Variants in TSHZ3 observed in about 807,000 individuals in gnomAD.
The protein encoded by TSHZ3 is teashirt homolog 3.
Under a neutral mutation model 64.5 loss-of-function variants are expected in TSHZ3, and 10 were observed. The ratio of observed to expected loss-of-function variants is 0.16; its 90% confidence interval spans 0.10 to 0.26. The LOEUF is 0.26. Ranked by LOEUF, TSHZ3 falls within the 10% of genes least tolerant of loss-of-function variation. The pLI is 1.00. For missense variants in TSHZ3, 1,242 were observed against 1,421.7 expected, an observed-to-expected ratio of 0.87 and a Z score of 2.03; for synonymous variants, 608 against 593.1, an observed-to-expected ratio of 1.03 and a Z score of -0.36.
At chr19:31,156,275 G>C (rs1974304886) in intron 6 of TSHZ3, among the ~76,000 whole-genome samples, 1 of 152,190 alleles carries the variant, frequency 6.6e-6, no homozygotes, top group Admixed American at 6.5e-5. Flanking sequence ...AATAAATATT[G>C]TTAACTGAAA....
rs750596759 is a variant in TSHZ3, at chr19:31,277,750, C to T, written c.2043G>A (p.Gly681=). ...TCTCCACCGGCTCAGCGAGGGGGCT[C>T]CCATCCTTGCACCCATCCCGCGGGG... ...PSPPRDGCKD[G]SPLAEPVENG... The change falls in exon 2 of 2, where the codon GGG becomes GGA. Residue 681 remains glycine (G), a synonymous_variant. Coordinates refer to ENST00000240587, the MANE Select transcript of TSHZ3 (RefSeq NM_020856.4). This position sits in a 1 kb window ranked among gnomAD's most constrained non-coding sequence, Gnocchi z 4.5. 70 of 1,523,200 alleles carry T rather than the reference C, an allele frequency of 4.6e-5. No individual in the cohort carries two copies. The highest frequency in any genetic ancestry group is 6.0e-5 in the Non-Finnish European group (68 of 1,138,012). The allele number at this position is 1,523,200 out of a possible 1,614,324, so 94.4% of individuals were successfully genotyped here.
intron 1 of TSHZ3, among the ~76,000 whole-genome samples, chr19:31,253,879 C>A (rs1484781421): frequency 6.6e-6 from 1 of 152,164 alleles, no homozygotes; most frequent in East Asian, 1.9e-4. Context: ...GTGGCAATTT[C>A]TCAGCAAAGA....
chr19:31,278,510 G>A lies in TSHZ3; in HGVS notation c.1283C>T (p.Thr428Met), dbSNP rs375215031. The A allele has an allele frequency of 2.5e-5, 41 of 1,614,124 alleles. No individual in the cohort carries two copies. The highest frequency in any genetic ancestry group is 1.5e-4 in the South Asian group (14 of 91,070). The change falls in exon 2 of 2, where the codon ACG becomes ATG. Residue 428 changes from threonine (T) to methionine (M), a missense_variant. Transcript: ENST00000240587. This position sits in a 1 kb window ranked among gnomAD's most constrained non-coding sequence, Gnocchi z 4.7. ...GGTTGTGATGGTAGGTGTGACAGGCGTCTCCACAATGGGCTTCCCCTTTTT... is the reference window on the plus strand; with the variant it reads ...GGTTGTGATGGTAGGTGTGACAGGCATCTCCACAATGGGCTTCCCCTTTTT... ...AMKKGKPIVE[T>M]PVTPTITTLL...
At chr19:31,274,133 GTGT>G (rs1303203938), downstream of TSHZ3, among the ~76,000 whole-genome samples, 1 of 151,472 alleles carries the variant, frequency 6.6e-6, no homozygotes, top group Non-Finnish European at 1.5e-5. Context: ...AATAAAATAT[GTGT>G]TTTTTTTTTT....
At chr19:31,222,350 C>A (rs747291498) in intron 4 of TSHZ3, among the ~76,000 whole-genome samples, 1 of 152,104 alleles carries the variant, frequency 6.6e-6, no homozygotes, top group Non-Finnish European at 1.5e-5. Context: ...ACGCATGTGA[C>A]CAGATGTTAT....
At chr19:31,246,125 T>C (rs1015688008) in intron 1 of TSHZ3, among the ~76,000 whole-genome samples, 1 of 152,016 alleles carries the variant, frequency 6.6e-6, no homozygotes, top group Non-Finnish European at 1.5e-5. Flanking sequence ...CAAGAGTTTG[T>C]TTTTTTTAAA....
intron 1 of TSHZ3, among the ~76,000 whole-genome samples, chr19:31,309,472 C>T (rs1255697391): frequency 6.6e-6 from 1 of 152,118 alleles, no homozygotes; most frequent in Non-Finnish European, 1.5e-5. Context: ...GAGACATCAG[C>T]ATTGAGGCTC....
At chr19:31,207,866 G>A (rs138651842) in intron 4 of TSHZ3, among the ~76,000 whole-genome samples, 2 of 152,304 alleles carry the variant, frequency 1.3e-5, no homozygotes, top group Non-Finnish European at 1.5e-5. Context: ...ATTAATGTGT[G>A]TATAAAGCAC....
At chr19:31,222,024 C>T (rs1975400113) in intron 4 of TSHZ3, among the ~76,000 whole-genome samples, 2 of 152,116 alleles carry the variant, frequency 1.3e-5, no homozygotes, top group Admixed American at 6.6e-5. Flanking sequence ...TGACAGTGTA[C>T]GTGGTTGAGT....
At chr19:31,288,107 C>T (rs912304209) in intron 1 of TSHZ3, among the ~76,000 whole-genome samples, 1 of 151,862 alleles carries the variant, frequency 6.6e-6, no homozygotes, top group African/African-American at 2.4e-5. Flanking sequence ...GATAAGAGTG[C>T]TTTATTGTTT....
In TSHZ3 at chr19:31,277,728, C is replaced by G. The variant is rs572077696; in HGVS notation, c.2065G>C (p.Glu689Gln). 9 of 1,522,276 alleles carry G rather than the reference C, an allele frequency of 5.9e-6. No homozygotes were observed. Among genetic ancestry groups the G allele is most frequent in the Non-Finnish European group, 7.9e-6 (9 of 1,137,316 alleles). The allele number at this position is 1,522,276 out of a possible 1,614,324, so 94.3% of individuals were successfully genotyped here. Residue 689 changes from glutamate to glutamine, a missense_variant, in exon 2 of 2, where the codon GAG becomes CAG. Transcript: ENST00000240587. The surrounding 1 kb of genome is among the most constrained non-coding windows in gnomAD (Gnocchi z 4.5). The stretch of plus-strand genomic sequence containing the variant: ...GGCTTCACCAGCTCCTTGCCATTCT[C>G]CACCGGCTCAGCGAGGGGGCTCCCA... ...KDGSPLAEPV[E>Q]NGKELVKPLA...
At chr19:31,202,837 T>C (rs1975107564) in intron 5 of TSHZ3, among the ~76,000 whole-genome samples, 1 of 152,184 alleles carries the variant, frequency 6.6e-6, no homozygotes, top group Non-Finnish European at 1.5e-5. Context: ...GTGTTGGAGA[T>C]TGACATTCAG....
intron 5 of TSHZ3, among the ~76,000 whole-genome samples, chr19:31,193,958 G>C (rs778553809): frequency 2.0e-5 from 3 of 152,172 alleles, no homozygotes; most frequent in Non-Finnish European, 2.9e-5. Flanking sequence ...CATGTAAAAA[G>C]CTGAACAAAC....
intron 1 of TSHZ3, among the ~76,000 whole-genome samples, chr19:31,267,282 ATTGTGCAGGGTCCAGGAGACTGACCT>A (rs1303997279): frequency 6.6e-6 from 1 of 152,060 alleles, no homozygotes; most frequent in African/African-American, 2.4e-5. Flanking sequence ...TTGCCTGAGA[ATTGTGCAGGGTCCAGGAGACTGACCT>A]GGGCCCTCAC....
chr19:31,235,590 TTTC>T (rs908969630), intron 3 of TSHZ3, among the ~76,000 whole-genome samples: 36 of 151,522 alleles, frequency 2.4e-4, no homozygotes, highest in African/African-American at 2.7e-4. Context: ...CTCTTTTTTC[TTTC>T]TTTTTTCTTT....
At position 31,327,766 on chromosome 19, in the gene TSHZ3, A is replaced by C. The variant is rs558982960; in HGVS notation, c.40+21414T>G. Among the ~76,000 whole-genome samples the C allele has an allele frequency of 5.4e-4, 83 of 152,360 alleles. No homozygotes were observed. The South Asian group carries it at 0.014, about 26-fold the overall frequency. ...TTGTATCTTACCACATATTGAAATA[A>C]AACACCCTGCACAGCCCCTAAACCT... On this transcript the variant is annotated intron_variant, in intron 1 of 1. Transcript: ENST00000240587.
intron 4 of TSHZ3, among the ~76,000 whole-genome samples, chr19:31,218,837 C>T (rs918958076): frequency 6.6e-6 from 1 of 152,176 alleles, no homozygotes; most frequent in Non-Finnish European, 1.5e-5. Context: ...CTAACTTAAA[C>T]CTTTAAATTT....
chr19:31,160,049 C>T (rs1568333019), intron 5 of TSHZ3, among the ~76,000 whole-genome samples: 1 of 152,152 alleles, frequency 6.6e-6, no homozygotes, highest in Admixed American at 6.5e-5. Context: ...AATAATACTA[C>T]GATAGCTCAC....
intron 5 of TSHZ3, among the ~76,000 whole-genome samples, chr19:31,163,206 C>T (rs764837211): frequency 1.1e-3 from 160 of 152,076 alleles, no homozygotes; most frequent in Non-Finnish European, 1.5e-3. Flanking sequence ...TATGGGTGCA[C>T]ATGTTTAAAT....
Sources: gnomAD v4.1 joint callset for allele counts (sites outside exome capture counted in the v4.1 genomes callset) on GRCh38, gnomAD v4.1.1 for gene constraint, Gnocchi (gnomAD v3.1) non-coding constraint, MANE v1.5 for transcripts, NCBI Gene and HGNC (gene_info 2026-07-23, HGNC 2026-07-21) for gene names.